The following PRKCE variants were observed in gnomAD, a reference collection of about 807,000 sequenced individuals.
PRKCE encodes the protein protein kinase C epsilon type.
A neutral mutation model predicts 85.4 loss-of-function variants in PRKCE; 16 were observed. The observed-to-expected ratio is 0.19, with a 90% CI of 0.13 to 0.28. The LOEUF is 0.28. PRKCE is among the 10% of genes least tolerant of loss of function. The pLI, the probability that PRKCE is intolerant of heterozygous loss-of-function variation, is 1.00. For synonymous variants in PRKCE, 388 were observed against 371.5 expected (o/e 1.04, Z -0.51); for missense variants, 573 against 975.2 (o/e 0.59, Z 5.49).
intron 2 of PRKCE, among the ~76,000 whole-genome samples, chr2:45,922,649 G>T (rs1259599996): frequency 6.6e-6 from 1 of 152,182 alleles, no homozygotes; most frequent in Non-Finnish European, 1.5e-5. Context: ...ACTGCCTGGG[G>T]TGCCGTCAGC....
intron 5 of PRKCE, 52 bp from the exon 6 acceptor site, chr2:45,984,499 T>C: frequency 6.3e-7 from 1 of 1,583,480 alleles, no homozygotes; most frequent in Non-Finnish European, 8.6e-7. Flanking sequence ...TGACAAGTCT[T>C]CTGGGGAACT....
intron 11 of PRKCE, among the ~76,000 whole-genome samples, chr2:46,127,300 A>G (rs1488076544): frequency 6.6e-6 from 1 of 152,174 alleles, no homozygotes; most frequent in Non-Finnish European, 1.5e-5. Context: ...AGGTTTTAGT[A>G]ATATGTTTGA....
chr2:46,086,123 A>G (rs1669613981), intron 10 of PRKCE, 85 bp from the exon 11 acceptor site: 2 of 1,423,844 alleles, frequency 1.4e-6, no homozygotes, highest in Admixed American at 1.9e-5. Context: ...AGTCTTGGTA[A>G]CCTTACACTG....
chr2:46,105,872 A>T (rs146398023), intron 11 of PRKCE, among the ~76,000 whole-genome samples: 1 of 152,238 alleles, frequency 6.6e-6, no homozygotes, highest in East Asian at 1.9e-4. Context: ...GCATCATTAC[A>T]TTCATTTACA....
chr2:45,761,274 C>G (rs1003765732), intron 1 of PRKCE, among the ~76,000 whole-genome samples: 1 of 140,570 alleles, frequency 7.1e-6, no homozygotes, highest in African/African-American at 2.7e-5. Flanking sequence ...TTGCAGTAAG[C>G]CGAGATCACA....
chr2:45,668,689 C>G (rs1176092199), intron 1 of PRKCE, among the ~76,000 whole-genome samples: 2 of 152,066 alleles, frequency 1.3e-5, no homozygotes, highest in Non-Finnish European at 2.9e-5. Context: ...GCTGTGTGAC[C>G]TTGATGAAGC....
At chr2:45,957,696 A>G (rs1701063318) in intron 2 of PRKCE, among the ~76,000 whole-genome samples, 1 of 151,986 alleles carries the variant, frequency 6.6e-6, no homozygotes, top group Non-Finnish European at 1.5e-5. Flanking sequence ...AGATTGCTTG[A>G]GGCCAGGAGT....
intron 11 of PRKCE, among the ~76,000 whole-genome samples, chr2:46,116,247 T>C (rs1055155390): frequency 6.6e-6 from 1 of 152,204 alleles, no homozygotes; most frequent in Non-Finnish European, 1.5e-5. Flanking sequence ...TTCAGAGAGA[T>C]GACCACACTC....
At chr2:46,134,089 A>G (rs942889208) in intron 11 of PRKCE, among the ~76,000 whole-genome samples, 1 of 152,194 alleles carries the variant, frequency 6.6e-6, no homozygotes, top group African/African-American at 2.4e-5. Context: ...AATAATTTTC[A>G]ATAAAAATGT....
At chr2:45,967,460 A>G (rs954382428) in intron 2 of PRKCE, among the ~76,000 whole-genome samples, 4 of 152,234 alleles carry the variant, frequency 2.6e-5, no homozygotes, top group Admixed American at 2.0e-4. Context: ...AGAGAAGGGC[A>G]AACAGGGGCC....
chr2:45,703,322 G>A lies in PRKCE; in HGVS notation c.348+50874G>A, dbSNP rs1483153042. Among the ~76,000 whole-genome samples the A allele has an allele frequency of 2.0e-5, 3 of 152,058 alleles. No individual in the cohort carries two copies. The East Asian group carries it at 5.8e-4, about 29-fold the overall frequency. On this transcript the variant is annotated intron_variant, in intron 1 of 14. Coordinates refer to ENST00000306156, the MANE Select transcript of PRKCE (RefSeq NM_005400.3). ...GCCTGAGGCAGGAGGATCACTTGAG[G>A]CCAGGAGTTCAAGATCAGACTGGTC...
At chr2:45,662,274 C>T (rs572602359) in intron 1 of PRKCE, among the ~76,000 whole-genome samples, 3 of 152,258 alleles carry the variant, frequency 2.0e-5, no homozygotes, top group South Asian at 2.1e-4. Context: ...AAGAACTGGT[C>T]GTTGCTCTCA....
intron 2 of PRKCE, among the ~76,000 whole-genome samples, chr2:45,864,652 G>A (rs1693438180): frequency 6.6e-6 from 1 of 152,136 alleles, no homozygotes; most frequent in Admixed American, 6.5e-5. Context: ...CCCATACCAA[G>A]GGATCCCAGG....
At position 45,846,262 on chromosome 2, in the gene PRKCE, T is replaced by C. The variant is rs930041108; in HGVS notation, c.412+3199T>C. On this transcript the variant is annotated intron_variant, in intron 2 of 14. Transcript: ENST00000306156. Reference sequence around the variant, plus strand: ...CATTTGTTAGTATTTCTTCCCTTCATATGATGTAATTTGCATATTATTTCT... The same window carrying C: ...CATTTGTTAGTATTTCTTCCCTTCACATGATGTAATTTGCATATTATTTCT... Among the ~76,000 whole-genome samples the C allele has an allele frequency of 3.3e-5, 5 of 152,214 alleles. No homozygotes were observed. In the East Asian group the frequency reaches 7.7e-4, roughly 23 times the overall value.
rs978932718 is a variant in PRKCE at position 45,696,125 on chromosome 2, A to ATTTTT, written c.348+43684_348+43688dup. On this transcript the variant is annotated intron_variant, in intron 1 of 14. Transcript: ENST00000306156. ...CACAACAGTCCCCAGAGTGTGAGAA[A>ATTTTT]TTTTTTTTTTTGTAGAACAGGGGTC... 1.5e-4 allele frequency among the ~76,000 whole-genome samples: 17 copies of ATTTTT among 111,340 alleles called. No individual in the cohort carries two copies. In the Admixed American group the frequency reaches 2.0e-3, roughly 13 times the overall value. The allele number at this position is 111,340 out of a possible 152,430, so 73.0% of individuals were successfully genotyped here. A position where few individuals can be genotyped will look rare whatever the true frequency, so the allele number is the denominator to read the frequency against.
chr2:46,042,045 A>T (rs1363517355), intron 10 of PRKCE, among the ~76,000 whole-genome samples: 1 of 152,244 alleles, frequency 6.6e-6, no homozygotes, highest in African/African-American at 2.4e-5. Context: ...TATGATCTGT[A>T]GCTGAACTCC....
At chr2:45,760,333 C>A (rs1363640813) in intron 1 of PRKCE, among the ~76,000 whole-genome samples, 2 of 152,142 alleles carry the variant, frequency 1.3e-5, no homozygotes, top group Admixed American at 1.3e-4. Context: ...TTTGGTTTTG[C>A]ACTTCTTGGC....
At chr2:45,783,726 G>T (rs1313762068) in intron 1 of PRKCE, among the ~76,000 whole-genome samples, 3 of 152,202 alleles carry the variant, frequency 2.0e-5, no homozygotes, top group Non-Finnish European at 4.4e-5. Flanking sequence ...CCTGTTCTCT[G>T]GTCACAGGAT....
rs148039531 is a variant in PRKCE, at chr2:45,795,921, T to A, written c.349-47079T>A. Among the ~76,000 whole-genome samples the A allele has an allele frequency of 7.7e-4, 117 of 152,334 alleles. 1 individual carries two copies. In the East Asian group the frequency reaches 0.014, roughly 19 times the overall value. ...CACTCCACCCAGGCTTGACAGCGCT[T>A]TTTCAAATTTCAAGCATTCAGAAAA... On this transcript the variant is annotated intron_variant, in intron 1 of 14. Transcript: ENST00000306156.
Sources: gnomAD v4.1 joint callset for allele counts (sites outside exome capture counted in the v4.1 genomes callset) on GRCh38, gnomAD v4.1.1 for gene constraint, MANE v1.5 for transcripts, NCBI Gene and HGNC (gene_info 2026-07-23, HGNC 2026-07-21) for gene names.